The following SLMAP variants were observed in gnomAD, a reference collection of about 807,000 sequenced individuals.
SLMAP encodes the protein sarcolemma associated protein, also known as sarcolemmal membrane-associated protein.
In SLMAP, 44 loss-of-function variants were observed where a neutral mutation model predicts 128.8. The observed-to-expected ratio is 0.34, with a 90% CI of 0.27 to 0.44. SLMAP has a LOEUF of 0.44. SLMAP is among the 20% of genes least tolerant of loss of function. The probability of loss-of-function intolerance (pLI) is 1.00; values close to 1 mark genes in which losing one functional copy is unlikely to be tolerated. For synonymous variants in SLMAP, 327 were observed against 348.8 expected (o/e 0.94, Z 0.70); for missense variants, 787 against 985.3 (o/e 0.80, Z 2.69).
At chr3:57,848,399 TCTTCTTTCTTC>T (rs1378909070) in intron 5 of SLMAP, among the ~76,000 whole-genome samples, 4 of 151,532 alleles carry the variant, frequency 2.6e-5, no homozygotes, top group East Asian at 1.9e-4. Context: ...TCCTTCTTAT[TCTTCTTTCTTC>T]CTTCTTTCTT....
At chr3:57,927,219 C>G in intron 24 of SLMAP, 77 bp from the exon 25 acceptor site, 2 of 828,710 alleles carry the variant, frequency 2.4e-6, no homozygotes, top group Non-Finnish European at 4.0e-6. Context: ...ATTCAGGACT[C>G]TCTGGAACCA....
chr3:57,768,298 T>C (rs1175149015), intron 2 of SLMAP, among the ~76,000 whole-genome samples: 1 of 152,228 alleles, frequency 6.6e-6, no homozygotes, highest in African/African-American at 2.4e-5. Context: ...ATTTTCAGGC[T>C]TACAGTTTTA....
chr3:57,872,843 A>G (rs1302181533), intron 14 of SLMAP, among the ~76,000 whole-genome samples: 1 of 152,214 alleles, frequency 6.6e-6, no homozygotes, highest in Admixed American at 6.5e-5. Flanking sequence ...TTTCCCATCA[A>G]GCAAATACTT....
At chr3:57,818,257 G>A (rs1404666513) in intron 2 of SLMAP, among the ~76,000 whole-genome samples, 2 of 152,168 alleles carry the variant, frequency 1.3e-5, no homozygotes, top group Non-Finnish European at 2.9e-5. Context: ...CCGGGTTCAA[G>A]CGATTCTCCT....
intron 2 of SLMAP, among the ~76,000 whole-genome samples, chr3:57,816,177 T>G (rs1393552763): frequency 6.6e-6 from 1 of 152,016 alleles, no homozygotes; most frequent in Non-Finnish European, 1.5e-5. Flanking sequence ...GGAGTCTTAC[T>G]TTGTCGCCCA....
At chr3:57,793,162 A>G (rs2085913777) in intron 2 of SLMAP, among the ~76,000 whole-genome samples, 2 of 152,004 alleles carry the variant, frequency 1.3e-5, no homozygotes, top group South Asian at 2.1e-4. Flanking sequence ...TCTTGAGCTC[A>G]AGTGATCCTC....
intron 2 of SLMAP, among the ~76,000 whole-genome samples, chr3:57,824,821 C>T (rs1031526373): frequency 1.3e-5 from 2 of 152,070 alleles, no homozygotes; most frequent in Admixed American, 6.6e-5. Context: ...GGGATTGTGC[C>T]GGATCTGTGG....
intron 2 of SLMAP, among the ~76,000 whole-genome samples, chr3:57,788,357 G>T (rs1221509670): frequency 2.0e-5 from 3 of 152,150 alleles, no homozygotes; most frequent in African/African-American, 7.2e-5. Context: ...GTGATAATGT[G>T]GAAGACATTG....
At chr3:57,820,998 G>T (rs2092453026) in intron 2 of SLMAP, among the ~76,000 whole-genome samples, 1 of 152,152 alleles carries the variant, frequency 6.6e-6, no homozygotes, top group African/African-American at 2.4e-5. Flanking sequence ...TTCAACATAG[G>T]TGTCTGAGAT....
intron 8 of SLMAP, among the ~76,000 whole-genome samples, chr3:57,858,430 G>A (rs2153595306): frequency 6.6e-6 from 1 of 152,196 alleles, no homozygotes; most frequent in African/African-American, 2.4e-5. Flanking sequence ...AGTCTGCATT[G>A]TTATTTAAAC....
intron 2 of SLMAP, among the ~76,000 whole-genome samples, chr3:57,824,088 A>G (rs111694518): frequency 1.3e-3 from 196 of 152,352 alleles, no homozygotes; most frequent in East Asian, 9.1e-3. Flanking sequence ...CAGGAAAACA[A>G]TGTATCAATG....
chr3:57,843,175 T>G (rs1367311927), intron 4 of SLMAP, among the ~76,000 whole-genome samples: 2 of 152,104 alleles, frequency 1.3e-5, no homozygotes, highest in African/African-American at 4.8e-5. Context: ...GTACATAGCA[T>G]TTATTGCTTT....
intron 10 of SLMAP, among the ~76,000 whole-genome samples, chr3:57,863,171 C>G (rs2095167307): frequency 6.6e-6 from 1 of 152,170 alleles, no homozygotes; most frequent in African/African-American, 2.4e-5. Flanking sequence ...GCTGTTAACT[C>G]TGCTTTAGCT....
intron 22 of SLMAP, chr3:57,918,611 A>G (rs1404655841): frequency 6.6e-6 from 1 of 152,162 alleles, no homozygotes; most frequent in Non-Finnish European, 1.5e-5. Context: ...AGATGTTAAC[A>G]TGTTGGATAC....
intron 2 of SLMAP, among the ~76,000 whole-genome samples, chr3:57,765,209 CATAGCAATA>C (rs1420430016): frequency 6.6e-6 from 1 of 152,120 alleles, no homozygotes; most frequent in Non-Finnish European, 1.5e-5. Context: ...GCCTTTGCAT[CATAGCAATA>C]ATTTGTCTCT....
At chr3:57,902,870 A>G (rs943384341) in intron 17 of SLMAP, among the ~76,000 whole-genome samples, 2 of 152,230 alleles carry the variant, frequency 1.3e-5, no homozygotes, top group Non-Finnish European at 2.9e-5. Flanking sequence ...ATTATCGTCA[A>G]AAGTGCTCTC....
At chr3:57,834,849 T>C (rs1226611437) in intron 3 of SLMAP, among the ~76,000 whole-genome samples, 2 of 152,068 alleles carry the variant, frequency 1.3e-5, no homozygotes, top group Non-Finnish European at 2.9e-5. Flanking sequence ...GGGTTTGGCA[T>C]AGTGGCTCAT....
intron 19 of SLMAP, among the ~76,000 whole-genome samples, chr3:57,909,913 A>ATTT (rs202241053): frequency 4.2e-5 from 6 of 144,444 alleles, no homozygotes; most frequent in Admixed American, 1.4e-4. Flanking sequence ...CGCCTGGCCT[A>ATTT]TTTTTTTTTT....
rs2095016087 is a variant in SLMAP, at chr3:57,860,848, A to C, written c.828+9A>C. The C allele has an allele frequency of 1.3e-6, 2 of 1,574,646 alleles. No homozygotes were observed. The highest frequency in any genetic ancestry group is 2.1e-5 in the Admixed American group (1 of 48,592). ...AACTTTCAGAAGTTGAGGTATTTCAATCAAAAAAAAAATACTAAATAGTAT... is the reference window on the plus strand; with the variant it reads ...AACTTTCAGAAGTTGAGGTATTTCACTCAAAAAAAAAATACTAAATAGTAT... On this transcript the variant is annotated intron_variant, in intron 9 of 24. Coordinates refer to ENST00000671191, the MANE Select transcript of SLMAP (RefSeq NM_001377540.1).
Sources: gnomAD v4.1 joint callset for allele counts (sites outside exome capture counted in the v4.1 genomes callset) on GRCh38, gnomAD v4.1.1 for gene constraint, MANE v1.5 for transcripts, NCBI Gene and HGNC (gene_info 2026-07-23, HGNC 2026-07-21) for gene names.